Variants in ADAMTS14 observed in about 807,000 individuals in gnomAD.
ADAMTS14 encodes the protein A disintegrin and metalloproteinase with thrombospondin motifs 14.
In ADAMTS14, 100 loss-of-function variants were observed where a neutral mutation model predicts 128.6. The observed-to-expected ratio is 0.78, with a 90% CI of 0.66 to 0.92. ADAMTS14 has a LOEUF of 0.92. Among genes scored for constraint, ADAMTS14 ranks in the 40% least tolerant of loss-of-function variants. The pLI is 0.00. For synonymous variants in ADAMTS14, 665 were observed against 653.8 expected, an observed-to-expected ratio of 1.02 and a Z score of -0.26; for missense variants, 1,562 against 1,658.6, an observed-to-expected ratio of 0.94 and a Z score of 1.01.
chr10:70,761,863 G>A lies in ADAMTS14; in HGVS notation c.*1010G>A, dbSNP rs1217950861. The A allele has an allele frequency of 6.6e-6, 1 of 152,342 alleles. No homozygotes were observed. The highest frequency in any genetic ancestry group is 2.4e-5 in the African/African-American group (1 of 41,446). 9.4% of individuals were successfully genotyped at this position (152,342 alleles called of 1,614,324 possible). A position where few individuals can be genotyped will look rare whatever the true frequency, so the allele number is the denominator to read the frequency against. On this transcript the variant is annotated 3_prime_UTR_variant, in exon 22 of 22. Transcript: ENST00000373207. ...GCCAGAGTGTGTGGTTCTCCCAGGG[G>A]TGGTTGGACCCCAGGACTGAGGACC...
At chr10:70,739,040 C>G in intron 11 of ADAMTS14, 50 bp downstream of exon 11, 2 of 1,556,384 alleles carry the variant, frequency 1.3e-6, no homozygotes, top group Non-Finnish European at 1.7e-6. Context: ...CTCCCCAGGG[C>G]GGAGGGGCTT....
intron 14 of ADAMTS14, 152 bp downstream of exon 14, chr10:70,744,341 T>A (rs1842108545): frequency 1.7e-6 from 2 of 1,153,926 alleles, no homozygotes; most frequent in Non-Finnish European, 2.3e-6. Context: ...CTGCCCAGGC[T>A]GGTGAGCCAG....
At chr10:70,694,543 C>T (rs1306105256) in intron 2 of ADAMTS14, among the ~76,000 whole-genome samples, 3 of 152,282 alleles carry the variant, frequency 2.0e-5, no homozygotes, top group Admixed American at 2.0e-4. Context: ...AACATTACCC[C>T]AGCCCTTGGC....
At chr10:70,680,564 C>T (rs780073714) in intron 2 of ADAMTS14, among the ~76,000 whole-genome samples, 1 of 152,066 alleles carries the variant, frequency 6.6e-6, no homozygotes. Context: ...GCTGTGGGAC[C>T]TTGAGCGAGT....
At chr10:70,727,157 T>A (rs4747089) in intron 4 of ADAMTS14, among the ~76,000 whole-genome samples, 2 of 151,968 alleles carry the variant, frequency 1.3e-5, no homozygotes, top group Admixed American at 1.3e-4. Context: ...GACTGGGGCT[T>A]GGTGATGCAC....
At chr10:70,694,987 C>T (rs1270067612) in intron 2 of ADAMTS14, among the ~76,000 whole-genome samples, 1 of 152,154 alleles carries the variant, frequency 6.6e-6, no homozygotes, top group Non-Finnish European at 1.5e-5. Flanking sequence ...TTTTACATTC[C>T]CACCAATGTA....
At chr10:70,752,440 G>C (rs1842377308) in intron 18 of ADAMTS14, among the ~76,000 whole-genome samples, 1 of 139,938 alleles carries the variant, frequency 7.1e-6, no homozygotes, top group South Asian at 2.2e-4. Context: ...CAGAGACATG[G>C]CTCAGCCTGC....
chr10:70,701,946 C>T (rs1211393866), intron 2 of ADAMTS14, among the ~76,000 whole-genome samples: 1 of 152,134 alleles, frequency 6.6e-6, no homozygotes, highest in African/African-American at 2.4e-5. Flanking sequence ...GAGTGCAGTG[C>T]CTTGGTGTAT....
chr10:70,691,743 C>T (rs1038105729), intron 2 of ADAMTS14, among the ~76,000 whole-genome samples: 1 of 152,104 alleles, frequency 6.6e-6, no homozygotes, highest in Admixed American at 6.5e-5. Flanking sequence ...AGGCTTCCCC[C>T]ACGCTGGATC....
chr10:70,691,490 A>AAC (rs1589268124), intron 2 of ADAMTS14, among the ~76,000 whole-genome samples: 1 of 115,770 alleles, frequency 8.6e-6, no homozygotes, highest in Non-Finnish European at 2.1e-5. Flanking sequence ...ACCCTGTTAA[A>AAC]AAAAAAAAAA....
chr10:70,729,072 C>T (rs1443954306), intron 4 of ADAMTS14, among the ~76,000 whole-genome samples: 1 of 152,158 alleles, frequency 6.6e-6, no homozygotes, highest in Non-Finnish European at 1.5e-5. Flanking sequence ...ATTACATGGT[C>T]TAAGATGTGA....
At chr10:70,740,046 C>T (rs1841947526) in intron 11 of ADAMTS14, among the ~76,000 whole-genome samples, 1 of 152,166 alleles carries the variant, frequency 6.6e-6, no homozygotes, top group South Asian at 2.1e-4. Context: ...TAATTGGTAT[C>T]AAAGCTACCA....
At chr10:70,706,203 C>T (rs1840661096) in intron 3 of ADAMTS14, among the ~76,000 whole-genome samples, 1 of 152,212 alleles carries the variant, frequency 6.6e-6, no homozygotes, top group Non-Finnish European at 1.5e-5. Flanking sequence ...CCCAATTCCC[C>T]AGAAAGTCTG....
Position 70,752,142 on chromosome 10 carries a change from A to G in ADAMTS14, c.2644A>G (p.Met882Val), listed in dbSNP as rs773727783. Residue 882 changes from methionine (M) to valine (V), a missense_variant, in exon 18 of 22, where the codon ATG becomes GTG. Coordinates refer to ENST00000373207, the MANE Select transcript of ADAMTS14 (RefSeq NM_080722.4). ...CTGCCGGCGCAGACGAGACCACCAC[A>G]TGGTGCAGCGACACCTGTGTGACCA... The part of the protein sequence containing the change: ...YGCRRRRDHH[M>V]VQRHLCDHKK... 1.5e-5 allele frequency: 24 copies of G among 1,613,360 alleles called. No individual in the cohort carries two copies. The South Asian group carries it at 2.2e-4, about 15-fold the overall frequency.
chr10:70,727,409 G>A (rs993162313), intron 4 of ADAMTS14, among the ~76,000 whole-genome samples: 2 of 152,234 alleles, frequency 1.3e-5, no homozygotes, highest in African/African-American at 4.8e-5. Flanking sequence ...GATGGCTGAA[G>A]GGCATGGGGA....
chr10:70,725,561 G>A lies in ADAMTS14; in HGVS notation c.871-3733G>A, dbSNP rs1389297817. On this transcript the variant is annotated intron_variant, in intron 4 of 21. Coordinates refer to ENST00000373207, the MANE Select transcript of ADAMTS14 (RefSeq NM_080722.4). ...GGTTCATAGATGGTGACTTCTCACT[G>A]TGTCCTCACATGGTAGAAGGAGTGA... 2.0e-5 allele frequency among the ~76,000 whole-genome samples: 3 copies of A among 152,202 alleles called. No homozygotes were observed. The South Asian group carries it at 6.2e-4, about 32-fold the overall frequency.
intron 4 of ADAMTS14, among the ~76,000 whole-genome samples, chr10:70,727,452 A>C (rs578054887): frequency 6.6e-6 from 1 of 152,284 alleles, no homozygotes; most frequent in South Asian, 2.1e-4. Flanking sequence ...CTATGCATGG[A>C]GCTCCGGCCC....
intron 4 of ADAMTS14, among the ~76,000 whole-genome samples, chr10:70,726,680 A>C (rs1034463888): frequency 1.3e-5 from 2 of 152,102 alleles, no homozygotes; most frequent in African/African-American, 4.8e-5. Context: ...CTTAAGGGTC[A>C]CCCTACTGCA....
At chr10:70,757,574 C>G (rs1259992359) in intron 19 of ADAMTS14, among the ~76,000 whole-genome samples, 1 of 152,080 alleles carries the variant, frequency 6.6e-6, no homozygotes, top group Non-Finnish European at 1.5e-5. Flanking sequence ...GGGGAGTTTG[C>G]TAGAGTGATA....
Sources: allele counts gnomAD v4.1 joint callset (sites outside exome capture counted in the v4.1 genomes callset), GRCh38; gene constraint gnomAD v4.1.1; transcripts MANE v1.5; gene names NCBI Gene and HGNC (gene_info 2026-07-23, HGNC 2026-07-21).